Variants in RYR2 observed in about 807,000 individuals in gnomAD.
RYR2 encodes the protein cardiac muscle ryanodine receptor-calcium release channel.
Under a neutral mutation model 601.1 loss-of-function variants are expected in RYR2, and 227 were observed. The observed-to-expected ratio is 0.38, with a 90% CI of 0.34 to 0.42. RYR2 has a LOEUF of 0.42. Among genes scored for constraint, RYR2 ranks in the 10% least tolerant of loss-of-function variants. RYR2 has a pLI of 1.00. For synonymous variants in RYR2, 2,223 were observed against 2,175.1 expected, an observed-to-expected ratio of 1.02 and a Z score of -0.61; for missense variants, 4,646 against 6,156.5, an observed-to-expected ratio of 0.75 and a Z score of 8.21.
chr1:237,398,409 C>A (rs1703053372), intron 10 of RYR2, among the ~76,000 whole-genome samples: 1 of 152,140 alleles, frequency 6.6e-6, no homozygotes, highest in African/African-American at 2.4e-5. Context: ...AAAGAATCAA[C>A]AGTAAAATAC....
intron 25 of RYR2, among the ~76,000 whole-genome samples, chr1:237,547,686 T>C (rs986567345): frequency 1.3e-5 from 2 of 152,310 alleles, no homozygotes; most frequent in Non-Finnish European, 2.9e-5. Context: ...TGCCCTTATA[T>C]GTGTGCATTG....
At chr1:237,521,736 T>A (rs1667105830) in intron 24 of RYR2, among the ~76,000 whole-genome samples, 1 of 82,060 alleles carries the variant, frequency 1.2e-5, no homozygotes. Context: ...AAAAAAAAAA[T>A]TAAATACATA....
intron 24 of RYR2, among the ~76,000 whole-genome samples, chr1:237,515,374 T>C (rs1022810207): frequency 1.3e-5 from 2 of 152,240 alleles, no homozygotes; most frequent in Non-Finnish European, 2.9e-5. Context: ...AACAAAAATA[T>C]AGTGACACTA....
chr1:237,407,571 G>A (rs937086870), intron 10 of RYR2, among the ~76,000 whole-genome samples: 2 of 149,904 alleles, frequency 1.3e-5, no homozygotes, highest in Non-Finnish European at 3.0e-5. Context: ...TCTTTGATGA[G>A]ATGTCTTAGA....
chr1:237,185,275 G>C lies in RYR2; in HGVS notation c.49-85222G>C, dbSNP rs530017441. Among the ~76,000 whole-genome samples, 4 of 152,184 alleles carry C rather than the reference G, an allele frequency of 2.6e-5. No individual in the cohort carries two copies. In the South Asian group the frequency reaches 8.3e-4, roughly 32 times the overall value. On this transcript the variant is annotated intron_variant, in intron 1 of 104. Transcript: ENST00000366574. Reference sequence around the variant, plus strand: ...TTGGCCTCCCAAATTGCTGTTACGGGCATGAGCCACCACACCCGGCTACAT... The same window carrying C: ...TTGGCCTCCCAAATTGCTGTTACGGCCATGAGCCACCACACCCGGCTACAT...
At chr1:237,097,261 AAAATGGTAC>A (rs895695045) in intron 1 of RYR2, among the ~76,000 whole-genome samples, 62 of 152,302 alleles carry the variant, frequency 4.1e-4, no homozygotes, top group African/African-American at 1.4e-3. Context: ...AACTGTCTGA[AAAATGGTAC>A]AAATGGTACA....
intron 58 of RYR2, among the ~76,000 whole-genome samples, chr1:237,671,131 G>A (rs1048198430): frequency 1.3e-5 from 2 of 152,098 alleles, no homozygotes; most frequent in African/African-American, 4.8e-5. Flanking sequence ...ATTAGTCCTC[G>A]CAGTCTTTAA....
Position 237,106,171 on chromosome 1 carries a change from A to AG in RYR2, c.48+63606dup, listed in dbSNP as rs1402125677. ...GGAGTCATTGCAATCCTTTGAGCTGAGGGGTAGCTCGTTCTGATTTTCATT... is the reference window on the plus strand; with the variant it reads ...GGAGTCATTGCAATCCTTTGAGCTGAGGGGGTAGCTCGTTCTGATTTTCATT... On this transcript the variant is annotated intron_variant, in intron 1 of 104. Transcript: ENST00000366574. The surrounding 1 kb of genome is among the most constrained non-coding windows in gnomAD (Gnocchi z 4.4). Among the ~76,000 whole-genome samples the AG allele has an allele frequency of 6.6e-6, 1 of 152,268 alleles. No individual in the cohort carries two copies. Among genetic ancestry groups the AG allele is most frequent in the East Asian group, 1.9e-4 (1 of 5,166 alleles).
chr1:237,200,573 T>G (rs1681082702), intron 1 of RYR2, among the ~76,000 whole-genome samples: 1 of 152,186 alleles, frequency 6.6e-6, no homozygotes, highest in Non-Finnish European at 1.5e-5. Context: ...CCCCATTCCA[T>G]TCTTTAATGA....
At chr1:237,506,915 A>G in intron 23 of RYR2, 101 bp downstream of exon 23, 1 of 978,410 alleles carries the variant, frequency 1.0e-6, no homozygotes, top group Admixed American at 2.1e-5. Flanking sequence ...TCAATCAGTT[A>G]GTTGGATTGA....
chr1:237,209,695 A>T (rs899882402), intron 1 of RYR2, among the ~76,000 whole-genome samples: 4 of 152,060 alleles, frequency 2.6e-5, no homozygotes, highest in African/African-American at 9.7e-5. Flanking sequence ...TCTACAAAAA[A>T]TTTTTTAAAA....
chr1:237,756,449 G>A (rs991596278), intron 81 of RYR2, 62 bp downstream of exon 81: 25 of 1,093,710 alleles, frequency 2.3e-5, no homozygotes, highest in Middle Eastern at 2.1e-4. Context: ...TTGCTCTCAA[G>A]GTCCTCCCTC....
chr1:237,689,960 T>G (rs1489685560), intron 63 of RYR2, among the ~76,000 whole-genome samples: 1 of 151,840 alleles, frequency 6.6e-6, no homozygotes, highest in Non-Finnish European at 1.5e-5. Context: ...TTTTCCTGCC[T>G]CAGCCTCCCA....
intron 1 of RYR2, among the ~76,000 whole-genome samples, chr1:237,222,702 A>G (rs960668904): frequency 1.3e-5 from 2 of 152,140 alleles, no homozygotes; most frequent in Admixed American, 1.3e-4. Context: ...GAAATTTCCT[A>G]CTAGTAGTCC....
At chr1:237,405,275 T>C (rs575187593) in intron 10 of RYR2, among the ~76,000 whole-genome samples, 78 of 152,326 alleles carry the variant, frequency 5.1e-4, no homozygotes, top group African/African-American at 1.9e-3. Context: ...GAGGAAAACC[T>C]GGAAAGAGTG....
At chr1:237,212,266 T>C (rs1682666462) in intron 1 of RYR2, among the ~76,000 whole-genome samples, 1 of 152,214 alleles carries the variant, frequency 6.6e-6, no homozygotes, top group South Asian at 2.1e-4. Flanking sequence ...TAAAACTACG[T>C]TGTGGACATG....
intron 56 of RYR2, among the ~76,000 whole-genome samples, chr1:237,662,373 C>G (rs1521746): frequency 0.62 from 93,948 of 151,742 alleles, 30,745 homozygotes; most frequent in Non-Finnish European, 0.74. Context: ...CAATTCTAAT[C>G]CTAAAAGTCA....
At position 237,433,468 on chromosome 1, in the gene RYR2, C is replaced by A. The variant is rs151082630; in HGVS notation, c.1006-7851C>A. ...AGCATTGAACTTATAATTATTGAAA[C>A]ACAATAAAAAGAGACCTTGATTAAA... is the stretch of plus-strand genomic sequence containing the variant. On this transcript the variant is annotated intron_variant, in intron 12 of 104. Coordinates refer to ENST00000366574, the MANE Select transcript of RYR2 (RefSeq NM_001035.3). 1.5e-3 allele frequency among the ~76,000 whole-genome samples: 228 copies of A among 152,016 alleles called. 1 individual carries two copies. Among genetic ancestry groups the A allele is most frequent in the African/African-American group, 4.5e-3 (186 of 41,530 alleles).
chr1:237,364,398 T>G, intron 5 of RYR2, 26 bp downstream of exon 5: 1 of 1,326,706 alleles, frequency 7.5e-7, no homozygotes. Context: ...ATATATGCTA[T>G]GTATATATAT....
Sources: gnomAD v4.1 joint callset for allele counts (sites outside exome capture counted in the v4.1 genomes callset) on GRCh38, gnomAD v4.1.1 for gene constraint, Gnocchi (gnomAD v3.1) non-coding constraint, MANE v1.5 for transcripts, NCBI Gene and HGNC (gene_info 2026-07-23, HGNC 2026-07-21) for gene names.